The following BRD7 variants were observed in gnomAD, a reference collection of about 807,000 sequenced individuals.
The protein encoded by BRD7 is bromodomain containing 7.
In BRD7, 15 loss-of-function variants were observed where a neutral mutation model predicts 82.1. The ratio of observed to expected loss-of-function variants is 0.18; its 90% CI spans 0.12 to 0.28. The LOEUF (loss-of-function observed/expected upper bound fraction) is 0.28. Ranked by LOEUF, BRD7 falls within the 10% of genes least tolerant of loss-of-function variation. BRD7 has a pLI of 1.00. For missense variants in BRD7, 638 were observed against 779.9 expected, an observed-to-expected ratio of 0.82 and a Z score of 2.17; for synonymous variants, 232 against 266.9, an observed-to-expected ratio of 0.87 and a Z score of 1.27.
chr16:50,323,728 TA>T lies in BRD7; in HGVS notation c.1332-31del, dbSNP rs1483671381. 3 of 1,529,516 alleles carry T rather than the reference TA, an allele frequency of 2.0e-6. No homozygotes were observed. In the African/African-American group the frequency reaches 4.1e-5, roughly 21 times the overall value. 94.7% of individuals were successfully genotyped at this position (1,529,516 alleles called of 1,614,324 possible). A position where few individuals can be genotyped will look rare whatever the true frequency, so the allele number is the denominator to read the frequency against. ...AAGAGACAGTTAGGAAAGTCTCACATAAATCACCTCCACTGGCTTTATCCTC... is the reference window on the plus strand; with the variant it reads ...AAGAGACAGTTAGGAAAGTCTCACATAATCACCTCCACTGGCTTTATCCTC... On this transcript the variant is annotated intron_variant, in intron 11 of 16. Coordinates refer to ENST00000394688, the MANE Select transcript of BRD7 (RefSeq NM_013263.5).
chr16:50,321,904 C>G (rs142365568), intron 13 of BRD7, 78 bp downstream of exon 13: 6 of 1,321,506 alleles, frequency 4.5e-6, no homozygotes, highest in Non-Finnish European at 5.4e-6. Context: ...ACCCAATGGG[C>G]CTTCCCATTC....
At chr16:50,366,463 C>A (rs2039147079) in intron 2 of BRD7, among the ~76,000 whole-genome samples, 1 of 152,194 alleles carries the variant, frequency 6.6e-6, no homozygotes, top group African/African-American at 2.4e-5. Flanking sequence ...TAAGCAATAA[C>A]CAAACAAATG....
chr16:50,326,466 C>T (rs1371699116), intron 9 of BRD7, 75 bp from the exon 10 acceptor site: 10 of 970,814 alleles, frequency 1.0e-5, no homozygotes, highest in Middle Eastern at 4.5e-4. Flanking sequence ...CGAGTGACTC[C>T]GCACAAACCA....
At chr16:50,357,989 ACAAAT>A (rs892213506) in intron 2 of BRD7, among the ~76,000 whole-genome samples, 2 of 152,058 alleles carry the variant, frequency 1.3e-5, no homozygotes, top group African/African-American at 4.8e-5. Flanking sequence ...CAAAAACAAA[ACAAAT>A]CAAAACAAAA....
At chr16:50,359,634 AT>A (rs765036225) in intron 2 of BRD7, among the ~76,000 whole-genome samples, 22 of 152,278 alleles carry the variant, frequency 1.4e-4, no homozygotes, top group East Asian at 1.2e-3. Context: ...ATTAAAAAAA[AT>A]AAACATGTTT....
chr16:50,354,657 C>T, intron 3 of BRD7, 136 bp downstream of exon 3: 2 of 1,290,208 alleles, frequency 1.6e-6, no homozygotes, highest in Non-Finnish European at 2.1e-6. Flanking sequence ...ATTTAAAGCT[C>T]TTATGCAGTT....
chr16:50,322,939 G>A (rs1397136689), intron 12 of BRD7, among the ~76,000 whole-genome samples: 1 of 152,202 alleles, frequency 6.6e-6, no homozygotes, highest in Non-Finnish European at 1.5e-5. Flanking sequence ...CATATGTGCA[G>A]TTGTGAGCAG....
chr16:50,344,843 T>G (rs968891457), intron 5 of BRD7, among the ~76,000 whole-genome samples: 1 of 152,130 alleles, frequency 6.6e-6, no homozygotes, highest in Non-Finnish European at 1.5e-5. Context: ...AAAACACTCT[T>G]CAGGATATTA....
rs1429120325 is a variant in BRD7, at chr16:50,328,709, C to T, written c.1047G>A (p.Thr349=). ...CCACAGGATGGAGAAGTCCCAACGT[C>T]GTTGTTCCATCTGGTTTTCTTCTTT... ...EFERRKPDGT[T]TLGLLHPVDP... is the part of the protein sequence containing the mutation. The change falls in exon 9 of 17, where the codon ACG becomes ACA. Residue 349 remains threonine, a synonymous_variant. Coordinates refer to ENST00000394688, the MANE Select transcript of BRD7 (RefSeq NM_013263.5). 7 of 1,613,888 alleles carry T rather than the reference C, an allele frequency of 4.3e-6. No individual in the cohort carries two copies. Among genetic ancestry groups the T allele is most frequent in the Middle Eastern group, 1.6e-4 (1 of 6,076 alleles).
intron 2 of BRD7, among the ~76,000 whole-genome samples, chr16:50,365,395 G>T (rs2039103369): frequency 6.6e-6 from 1 of 152,152 alleles, no homozygotes; most frequent in Non-Finnish European, 1.5e-5. Context: ...CTACAATAAA[G>T]TCCATCAACT....
At chr16:50,360,733 T>C (rs2038906761) in intron 2 of BRD7, among the ~76,000 whole-genome samples, 1 of 152,238 alleles carries the variant, frequency 6.6e-6, no homozygotes, top group Admixed American at 6.5e-5. Flanking sequence ...TCTGGCCAGA[T>C]AATAGGTGTC....
At chr16:50,349,352 A>C (rs1240222163) in intron 5 of BRD7, 1 of 330,306 alleles carries the variant, frequency 3.0e-6, no homozygotes, top group Non-Finnish European at 5.9e-6. Flanking sequence ...ATATGTAACC[A>C]ACCTGCACGT....
At chr16:50,348,260 T>A (rs2038370034) in intron 5 of BRD7, among the ~76,000 whole-genome samples, 1 of 152,104 alleles carries the variant, frequency 6.6e-6, no homozygotes, top group African/African-American at 2.4e-5. Flanking sequence ...AAAAATTAAT[T>A]CAAGATGGAT....
At chr16:50,364,722 T>C (rs1410480502) in intron 2 of BRD7, among the ~76,000 whole-genome samples, 1 of 152,190 alleles carries the variant, frequency 6.6e-6, no homozygotes, top group Non-Finnish European at 1.5e-5. Flanking sequence ...TACAAAGATG[T>C]GTGTACAATG....
rs955264061 is a variant in BRD7, at chr16:50,317,158, G to T, written c.*2053C>A. 1.3e-5 allele frequency: 2 copies of T among 152,808 alleles called. No homozygotes were observed. The highest frequency in any genetic ancestry group is 2.9e-5 in the Non-Finnish European group (2 of 68,054). 9.5% of individuals were successfully genotyped at this position (152,808 alleles called of 1,614,324 possible). ...CAGGTGTATTCTAATTTGCACAAAGGTGCTGGGTAGACTAGTGGCAGCTCT... is the reference window on the plus strand; with the variant it reads ...CAGGTGTATTCTAATTTGCACAAAGTTGCTGGGTAGACTAGTGGCAGCTCT... On this transcript the variant is annotated 3_prime_UTR_variant, in exon 17 of 17. Transcript: ENST00000394688.
intron 8 of BRD7, among the ~76,000 whole-genome samples, chr16:50,332,802 T>C (rs1199133302): frequency 6.6e-6 from 1 of 151,866 alleles, no homozygotes; most frequent in African/African-American, 2.4e-5. Flanking sequence ...TACACAGCCA[T>C]AAAAAAGAAT....
intron 6 of BRD7, 49 bp downstream of exon 6, chr16:50,339,927 G>A (rs766572366): frequency 8.5e-6 from 10 of 1,169,770 alleles, no homozygotes; most frequent in Middle Eastern, 2.9e-4. Flanking sequence ...CCAACAAACA[G>A]CGACACAGAT....
intron 4 of BRD7, among the ~76,000 whole-genome samples, chr16:50,351,968 A>G (rs1188069930): frequency 6.6e-6 from 1 of 152,210 alleles, no homozygotes; most frequent in Admixed American, 6.5e-5. Context: ...TCTGATGTAT[A>G]TAATAAATGG....
At chr16:50,321,406 C>T (rs1555528718) in intron 13 of BRD7, among the ~76,000 whole-genome samples, 1 of 147,756 alleles carries the variant, frequency 6.8e-6, no homozygotes, top group African/African-American at 2.5e-5. Flanking sequence ...ACTAAAAATA[C>T]AAAAAAAAAA....
Sources: allele counts gnomAD v4.1 joint callset (sites outside exome capture counted in the v4.1 genomes callset), GRCh38; gene constraint gnomAD v4.1.1; transcripts MANE v1.5; gene names NCBI Gene and HGNC (gene_info 2026-07-23, HGNC 2026-07-21).